The following IMMP2L variants were observed in gnomAD, a reference collection of about 807,000 sequenced individuals.
IMMP2L encodes inner mitochondrial membrane peptidase subunit 2.
A neutral mutation model predicts 19.3 loss-of-function variants in IMMP2L; 18 were observed. The ratio of observed to expected loss-of-function variants is 0.93; its 90% CI spans 0.64 to 1.38. The LOEUF (loss-of-function observed/expected upper bound fraction) is 1.38, where lower values mean the gene tolerates loss of function less well. Ranked by LOEUF, IMMP2L falls within the 40% of genes most tolerant of loss-of-function variation. The probability of loss-of-function intolerance (pLI) is 0.00; values close to 1 mark genes in which losing one functional copy is unlikely to be tolerated. For synonymous variants in IMMP2L, 76 were observed against 73.0 expected, an observed-to-expected ratio of 1.04 and a Z score of -0.21; for missense variants, 233 against 218.2, an observed-to-expected ratio of 1.07 and a Z score of -0.43.
In IMMP2L at chr7:110,757,833, G is replaced by A. The variant is rs1798123333; in HGVS notation, c.409-94112C>T. 6.6e-6 allele frequency among the ~76,000 whole-genome samples: 1 copy of A among 152,106 alleles called. No individual in the cohort carries two copies. Among genetic ancestry groups the A allele is most frequent in the Non-Finnish European group, 1.5e-5 (1 of 68,014 alleles). On this transcript the variant is annotated intron_variant, in intron 5 of 5. Coordinates refer to ENST00000405709, the MANE Select transcript of IMMP2L (RefSeq NM_032549.4). This position sits in a 1 kb window ranked among gnomAD's most constrained non-coding sequence, Gnocchi z 4.2. ...AAACCTCATTAGGAAGGCAGCACTG[G>A]AGTAGACTCCTGAAAGTGGGGAGGG... is the stretch of plus-strand genomic sequence containing the variant.
intron 5 of IMMP2L, among the ~76,000 whole-genome samples, chr7:110,756,007 G>A (rs756148008): frequency 4.6e-5 from 7 of 152,044 alleles, no homozygotes; most frequent in Non-Finnish European, 8.8e-5. Context: ...AAAAGATGTG[G>A]TAAGATTTGC....
chr7:110,942,472 T>A (rs1272525071), intron 4 of IMMP2L, among the ~76,000 whole-genome samples: 1 of 151,946 alleles, frequency 6.6e-6, no homozygotes, highest in African/African-American at 2.4e-5. Context: ...AATTAAAGTT[T>A]AACTGCTGTG....
intron 5 of IMMP2L, among the ~76,000 whole-genome samples, chr7:110,738,002 G>A (rs1374774181): frequency 6.6e-6 from 1 of 152,164 alleles, no homozygotes. Flanking sequence ...ATTCATAGGG[G>A]AAGGGGGAGA....
chr7:110,669,051 G>A (rs970067817), intron 5 of IMMP2L, among the ~76,000 whole-genome samples: 4 of 52,146 alleles, frequency 7.7e-5, no homozygotes, highest in African/African-American at 3.4e-4. Flanking sequence ...GTGTGTGTGT[G>A]CGTGTGTGTG....
At position 111,505,558 on chromosome 7, in the gene IMMP2L, T is replaced by C. The variant is rs552358011; in HGVS notation, c.135+15755A>G. ...TGGCACTATTCACAATAGCAAAGAC[T>C]TGGAACCAACCCAAATGTCCAACAA... On this transcript the variant is annotated intron_variant, in intron 2 of 5. Coordinates refer to ENST00000405709, the MANE Select transcript of IMMP2L (RefSeq NM_032549.4). Among the ~76,000 whole-genome samples the C allele has an allele frequency of 6.1e-3, 928 of 152,194 alleles. 7 individuals carry two copies. Among genetic ancestry groups the C allele is most frequent in the Non-Finnish European group, 9.0e-3 (609 of 67,984 alleles).
intron 5 of IMMP2L, among the ~76,000 whole-genome samples, chr7:110,664,484 C>T (rs183504059): frequency 8.6e-5 from 13 of 152,012 alleles, no homozygotes; most frequent in South Asian, 4.2e-4. Context: ...CAGAGATTGG[C>T]GAGGATGGAA....
At chr7:111,505,862 G>C (rs950771828) in intron 2 of IMMP2L, among the ~76,000 whole-genome samples, 10 of 152,054 alleles carry the variant, frequency 6.6e-5, no homozygotes, top group Non-Finnish European at 1.2e-4. Context: ...GGAGATATAT[G>C]TAATGCTAAA....
At chr7:110,796,425 G>T (rs1435284032) in intron 5 of IMMP2L, among the ~76,000 whole-genome samples, 3 of 151,850 alleles carry the variant, frequency 2.0e-5, no homozygotes, top group African/African-American at 7.3e-5. Context: ...ATTCAAAATG[G>T]TATGTTATTT....
intron 3 of IMMP2L, among the ~76,000 whole-genome samples, chr7:111,105,529 C>T (rs1798446886): frequency 6.6e-6 from 1 of 151,862 alleles, no homozygotes. Context: ...CTGCAAATCA[C>T]AAAAATGGGT....
intron 3 of IMMP2L, among the ~76,000 whole-genome samples, chr7:111,068,251 C>T (rs1022093832): frequency 1.3e-5 from 2 of 151,126 alleles, no homozygotes; most frequent in Non-Finnish European, 3.0e-5. Context: ...TTGTGTATCA[C>T]TAGTAATTTT....
At chr7:111,289,932 T>C (rs1584473296) in intron 3 of IMMP2L, among the ~76,000 whole-genome samples, 1 of 152,114 alleles carries the variant, frequency 6.6e-6, no homozygotes, top group Non-Finnish European at 1.5e-5. Context: ...ATTTGATTAA[T>C]GAACATAAAA....
intron 5 of IMMP2L, among the ~76,000 whole-genome samples, chr7:110,814,799 T>A (rs954189763): frequency 6.6e-6 from 1 of 151,468 alleles, no homozygotes; most frequent in African/African-American, 2.4e-5. Flanking sequence ...CAAATTGGTA[T>A]TTTAAGTATA....
At chr7:110,844,856 C>A (rs571820062) in intron 5 of IMMP2L, among the ~76,000 whole-genome samples, 1 of 151,910 alleles carries the variant, frequency 6.6e-6, no homozygotes, top group East Asian at 1.9e-4. Context: ...TCACAGGGTT[C>A]CATTACATGT....
chr7:111,425,691 T>C (rs962253833), intron 3 of IMMP2L, among the ~76,000 whole-genome samples: 1 of 151,118 alleles, frequency 6.6e-6, no homozygotes, highest in Non-Finnish European at 1.5e-5. Flanking sequence ...ATTTAAAAAG[T>C]CATTTCTCCA....
chr7:111,413,664 GAA>G (rs34853998), intron 3 of IMMP2L, among the ~76,000 whole-genome samples: 4 of 142,532 alleles, frequency 2.8e-5, no homozygotes, highest in Admixed American at 1.4e-4. Flanking sequence ...CCTAATTTAA[GAA>G]AAAAAAAAAA....
intron 3 of IMMP2L, among the ~76,000 whole-genome samples, chr7:111,207,534 G>GTTTTTTTTTTTTT (rs376864629): frequency 7.8e-5 from 7 of 90,106 alleles, no homozygotes; most frequent in Non-Finnish European, 1.4e-4. Context: ...TTTATTTTTG[G>GTTTTTTTTTTTTT]TTTTTTTTTT....
In IMMP2L at chr7:111,462,228, T is replaced by C. The variant is rs191488557; in HGVS notation, c.239+25010A>G. ...TCAATTTCCAGCTTGCTTACATAAA[T>C]AGTCTCCCAATTGGATACATCTTAG... On this transcript the variant is annotated intron_variant, in intron 3 of 5. Transcript: ENST00000405709. Among the ~76,000 whole-genome samples the C allele has an allele frequency of 3.5e-3, 530 of 152,228 alleles. 7 individuals are homozygous for C. Among genetic ancestry groups the C allele is most frequent in the African/African-American group, 0.012 (511 of 41,570 alleles).
intron 1 of IMMP2L, among the ~76,000 whole-genome samples, chr7:111,556,040 A>ATATG (rs1264908580): frequency 1.4e-5 from 2 of 139,356 alleles, no homozygotes; most frequent in Admixed American, 7.3e-5. Context: ...ATATATACAT[A>ATATG]CCCAAAGAAA....
intron 5 of IMMP2L, among the ~76,000 whole-genome samples, chr7:110,817,558 A>G (rs1365370012): frequency 6.6e-6 from 1 of 152,150 alleles, no homozygotes; most frequent in Non-Finnish European, 1.5e-5. Context: ...TATAGATTCC[A>G]TGCCATCCCC....
Sources: allele counts gnomAD v4.1 joint callset (sites outside exome capture counted in the v4.1 genomes callset), GRCh38; gene constraint gnomAD v4.1.1; non-coding constraint Gnocchi (gnomAD v3.1); transcripts MANE v1.5; gene names NCBI Gene and HGNC (gene_info 2026-07-23, HGNC 2026-07-21).